Variants in ARID3B observed in about 807,000 individuals in gnomAD.
ARID3B encodes AT-rich interaction domain 3B.
In ARID3B, 10 loss-of-function variants were observed where a neutral mutation model predicts 51.9. The ratio of observed to expected loss-of-function variants is 0.19; its 90% CI spans 0.12 to 0.33. The LOEUF (loss-of-function observed/expected upper bound fraction) is 0.33, where lower values mean the gene tolerates loss of function less well. Ranked by LOEUF, ARID3B falls within the 10% of genes least tolerant of loss-of-function variation. The pLI, the probability that ARID3B is intolerant of heterozygous loss-of-function variation, is 1.00. For synonymous variants in ARID3B, 205 were observed against 279.5 expected (o/e 0.73, Z 2.66); for missense variants, 483 against 716.3 (o/e 0.67, Z 3.72).
chr15:74,591,129 C>A lies in ARID3B; in HGVS notation c.882-22C>A. ...CTGGTGCTGTTTTGGATTATTCTCC[C>A]TGCTTGCTTCCTTTCCTCCAGGTAC... On this transcript the variant is annotated intron_variant, in intron 5 of 8. Transcript: ENST00000346246. This position sits in a 1 kb window ranked among gnomAD's most constrained non-coding sequence, Gnocchi z 5.8. 1 of 1,571,456 alleles carries A rather than the reference C, an allele frequency of 6.4e-7. No individual in the cohort carries two copies. Among genetic ancestry groups the A allele is most frequent in the South Asian group, 1.2e-5 (1 of 85,556 alleles).
chr15:74,580,700 G>A (rs749037104), intron 4 of ARID3B, among the ~76,000 whole-genome samples: 5 of 152,134 alleles, frequency 3.3e-5, no homozygotes, highest in Non-Finnish European at 5.9e-5. Context: ...CTAACTCCCA[G>A]GCCAGTGTGC....
intron 2 of ARID3B, among the ~76,000 whole-genome samples, chr15:74,564,900 C>T (rs186575668): frequency 6.6e-6 from 1 of 152,088 alleles, no homozygotes; most frequent in Admixed American, 6.6e-5. Flanking sequence ...CATGTCTGGC[C>T]TGAAGTCTAG....
At chr15:74,573,049 G>C in intron 3 of ARID3B, 83 bp from the exon 4 acceptor site, 1 of 1,588,846 alleles carries the variant, frequency 6.3e-7, no homozygotes, top group Admixed American at 1.7e-5. Flanking sequence ...TAGTGATTCA[G>C]ATGGTCATAG....
chr15:74,568,570 G>A (rs2141462382), intron 2 of ARID3B, among the ~76,000 whole-genome samples: 1 of 152,250 alleles, frequency 6.6e-6, no homozygotes, highest in South Asian at 2.1e-4. Flanking sequence ...ACAATCCTTA[G>A]TATGCAGAAG....
At chr15:74,563,949 CCTGCTCTGCCCG>C (rs1404672177) in intron 2 of ARID3B, among the ~76,000 whole-genome samples, 3 of 152,180 alleles carry the variant, frequency 2.0e-5, no homozygotes, top group Non-Finnish European at 4.4e-5. Context: ...CTCTTCCTCC[CCTGCTCTGCCCG>C]CTTTCTACAG....
chr15:74,552,423 G>A (rs918263947), intron 2 of ARID3B, among the ~76,000 whole-genome samples: 5 of 138,614 alleles, frequency 3.6e-5, no homozygotes, highest in South Asian at 2.4e-4. Context: ...TCGAACTCCC[G>A]ACCTCAGGTA....
chr15:74,592,049 A>G (rs1267038352), intron 7 of ARID3B, among the ~76,000 whole-genome samples: 2 of 152,330 alleles, frequency 1.3e-5, no homozygotes, highest in East Asian at 3.9e-4. Flanking sequence ...GTTCTCTAGT[A>G]AGAGGGAAAA....
At position 74,544,260 on chromosome 15, in the gene ARID3B, A is replaced by G. The variant is rs372867281; in HGVS notation, c.324A>G (p.Ala108=). 3.1e-6 allele frequency: 5 copies of G among 1,614,222 alleles called. No homozygotes were observed. Among genetic ancestry groups the G allele is most frequent in the Non-Finnish European group, 3.4e-6 (4 of 1,180,030 alleles). Residue 108 remains alanine (A), a synonymous_variant, in exon 2 of 9, where the codon GCA becomes GCG. Coordinates refer to ENST00000346246, the MANE Select transcript of ARID3B (RefSeq NM_006465.4). ...LEDEDGDDEV[A]EVAEKETQAA... Reference sequence around the variant, plus strand: ...ATGAGGATGGGGATGATGAAGTTGCAGAGGTGGCTGAGAAAGAAACCCAGG... The same window carrying G: ...ATGAGGATGGGGATGATGAAGTTGCGGAGGTGGCTGAGAAAGAAACCCAGG...
Position 74,585,159 on chromosome 15 carries a change from T to TCCC in ARID3B, c.698-4661_698-4660insCCC, listed in dbSNP as rs1373253416. ...CCCCTTCTGGGAGGCATGATGGGGG[T>TCCC]GGAGATTTGGTCTCCTGTAGGGCCA... is the stretch of plus-strand genomic sequence containing the variant. On this transcript the variant is annotated intron_variant, in intron 4 of 8. Transcript: ENST00000346246. Among the ~76,000 whole-genome samples the TCCC allele has an allele frequency of 3.3e-5, 5 of 152,174 alleles. No homozygotes were observed. In the East Asian group the frequency reaches 9.6e-4, roughly 29 times the overall value.
intron 2 of ARID3B, among the ~76,000 whole-genome samples, chr15:74,551,594 A>G (rs561311656): frequency 2.1e-4 from 32 of 152,238 alleles, no homozygotes; most frequent in African/African-American, 7.5e-4. Context: ...ATTCTCTTCC[A>G]GGCCTTTTCC....
intron 2 of ARID3B, among the ~76,000 whole-genome samples, chr15:74,557,722 A>G (rs2061663970): frequency 6.6e-6 from 1 of 151,602 alleles, no homozygotes; most frequent in South Asian, 2.1e-4. Context: ...CCAAGGGAGT[A>G]GGGAGGATCT....
chr15:74,591,272 C>T lies in ARID3B; in HGVS notation c.1003C>T (p.Leu335Phe). Reference sequence around the variant, plus strand: ...CCGGCGGCCCAGCTACAGCTCCTCCCTCTTTGGCTACTCACCTGCTGCGGC... The same window carrying T: ...CCGGCGGCCCAGCTACAGCTCCTCCTTCTTTGGCTACTCACCTGCTGCGGC... ...EGRRPSYSSS[L>F]FGYSPAAATA... The change falls in exon 6 of 9, where the codon CTC (leucine) becomes TTC (phenylalanine). Residue 335 changes from leucine to phenylalanine, a missense_variant. Physicochemically the swap from Leu to Phe is conservative, Grantham distance 22 (BLOSUM62 0). Transcript: ENST00000346246. The surrounding 1 kb of genome is among the most constrained non-coding windows in gnomAD (Gnocchi z 5.8). 6.2e-7 allele frequency: 1 copy of T among 1,614,038 alleles called. No individual in the cohort carries two copies. Among genetic ancestry groups the T allele is most frequent in the Non-Finnish European group, 8.5e-7 (1 of 1,180,024 alleles).
chr15:74,573,250 G>C, intron 4 of ARID3B, 46 bp downstream of exon 4: 1 of 1,577,742 alleles, frequency 6.3e-7, no homozygotes, highest in Non-Finnish European at 8.7e-7. Context: ...AATACTGATA[G>C]AGTGCCTACT....
intron 4 of ARID3B, among the ~76,000 whole-genome samples, chr15:74,587,658 G>A (rs1445732032): frequency 1.3e-5 from 2 of 152,136 alleles, no homozygotes; most frequent in Non-Finnish European, 2.9e-5. Flanking sequence ...GTGGACTCAA[G>A]GCCATGGGTG....
intron 2 of ARID3B, among the ~76,000 whole-genome samples, chr15:74,551,526 C>T (rs1036684313): frequency 1.3e-5 from 2 of 152,190 alleles, no homozygotes; most frequent in Non-Finnish European, 2.9e-5. Context: ...CATCCCCTTC[C>T]AGGTTTCCAG....
intron 4 of ARID3B, among the ~76,000 whole-genome samples, chr15:74,589,262 C>T (rs2061794514): frequency 6.6e-6 from 1 of 151,856 alleles, no homozygotes; most frequent in Admixed American, 6.6e-5. Context: ...ATCTCCTGAC[C>T]TCGTGATCTG....
chr15:74,558,170 G>A (rs1290246454), intron 2 of ARID3B, among the ~76,000 whole-genome samples: 4 of 130,390 alleles, frequency 3.1e-5, no homozygotes, highest in African/African-American at 6.1e-5. Flanking sequence ...CTTCAATCTG[G>A]TTTGTGTCTT....
In ARID3B at chr15:74,595,594, C is replaced by A; in HGVS notation, c.1520-17C>A. On this transcript the variant is annotated splice_polypyrimidine_tract_variant and intron_variant, in intron 8 of 8. Transcript: ENST00000346246. ...GCTCTTCCTCTGCCCACACTTGCTTCTCTTCCACCCACCAAGGTGTGCTGT... is the reference window on the plus strand; with the variant it reads ...GCTCTTCCTCTGCCCACACTTGCTTATCTTCCACCCACCAAGGTGTGCTGT... 6.2e-7 allele frequency: 1 copy of A among 1,609,758 alleles called. No individual in the cohort carries two copies. The highest frequency in any genetic ancestry group is 8.5e-7 in the Non-Finnish European group (1 of 1,177,164).
chr15:74,592,892 T>C (rs2061809111), intron 7 of ARID3B, among the ~76,000 whole-genome samples: 1 of 152,218 alleles, frequency 6.6e-6, no homozygotes, highest in Non-Finnish European at 1.5e-5. Context: ...CCTCCTTGCC[T>C]ACTGTGATTC....
Sources: allele counts gnomAD v4.1 joint callset (sites outside exome capture counted in the v4.1 genomes callset), GRCh38; gene constraint gnomAD v4.1.1; non-coding constraint Gnocchi (gnomAD v3.1); transcripts MANE v1.5; gene names NCBI Gene and HGNC (gene_info 2026-07-23, HGNC 2026-07-21).